NEBL: variants seen among roughly 807,000 people sequenced by gnomAD.
NEBL encodes LIM and SH3 protein 2.
A neutral mutation model predicts 140.2 loss-of-function variants in NEBL; 122 were observed. The observed-to-expected ratio is 0.87, with a 90% CI of 0.75 to 1.01. The LOEUF (loss-of-function observed/expected upper bound fraction) is 1.01. Among genes scored for constraint, NEBL ranks in the 50% least tolerant of loss-of-function variants. The probability of loss-of-function intolerance (pLI) is 0.00; values close to 1 mark genes in which losing one functional copy is unlikely to be tolerated. For synonymous variants in NEBL, 436 were observed against 398.9 expected (o/e 1.09, Z -1.11); for missense variants, 1,365 against 1,231.3 (o/e 1.11, Z -1.62).
chr10:21,274,645 C>T (rs183302460), intron 1 of NEBL, among the ~76,000 whole-genome samples: 3,274 of 152,114 alleles, frequency 0.022, 55 homozygotes, highest in Middle Eastern at 0.078. Context: ...AGCCTGGTCT[C>T]GAACCCCTGG....
intron 2 of NEBL, among the ~76,000 whole-genome samples, chr10:21,062,582 G>C (rs1835353671): frequency 6.6e-6 from 1 of 152,146 alleles, no homozygotes; most frequent in Non-Finnish European, 1.5e-5. Context: ...AGCTACACCA[G>C]ATGCTGAGAC....
At chr10:20,796,645 C>A (rs1039112686) in intron 26 of NEBL, among the ~76,000 whole-genome samples, 5 of 152,088 alleles carry the variant, frequency 3.3e-5, no homozygotes, top group Non-Finnish European at 5.9e-5. Context: ...TTTAGAATTT[C>A]TGCTATTTTA....
chr10:20,896,181 C>T (rs563442147), intron 2 of NEBL, among the ~76,000 whole-genome samples: 11 of 152,210 alleles, frequency 7.2e-5, no homozygotes, highest in African/African-American at 2.6e-4. Flanking sequence ...AGGAGTTACC[C>T]TTTCTCTGGA....
chr10:20,889,797 T>C (rs112140504), intron 3 of NEBL, 48 bp downstream of exon 3: 43 of 1,130,132 alleles, frequency 3.8e-5, no homozygotes, highest in African/African-American at 3.5e-4. Flanking sequence ...ATCTATATAA[T>C]AAGAAAAAGA....
chr10:20,864,799 A>C (rs1844099385), intron 7 of NEBL, among the ~76,000 whole-genome samples: 2 of 152,206 alleles, frequency 1.3e-5, no homozygotes, highest in Non-Finnish European at 2.9e-5. Flanking sequence ...GTTATAATTG[A>C]TATACCTGAA....
chr10:21,037,277 G>A (rs368478009), intron 2 of NEBL, among the ~76,000 whole-genome samples: 3 of 151,926 alleles, frequency 2.0e-5, no homozygotes, highest in African/African-American at 7.3e-5. Flanking sequence ...TGGAGGGGGT[G>A]GGGAGAGGGA....
At chr10:21,030,117 C>T (rs1304455840) in intron 2 of NEBL, 19 of 474,104 alleles carry the variant, frequency 4.0e-5, no homozygotes, top group Non-Finnish European at 7.7e-5. Flanking sequence ...GTTGATAGAG[C>T]TGCTAGAGAA....
intron 2 of NEBL, among the ~76,000 whole-genome samples, chr10:21,152,083 TG>T (rs1387399444): frequency 2.0e-5 from 3 of 152,074 alleles, no homozygotes; most frequent in African/African-American, 7.2e-5. Flanking sequence ...GAATAATAAA[TG>T]AAGGAGTGAG....
chr10:21,240,909 C>CACAT (rs1554834584), intron 3 of NEBL, among the ~76,000 whole-genome samples: 1 of 110,242 alleles, frequency 9.1e-6, no homozygotes, highest in African/African-American at 4.2e-5. Flanking sequence ...CGCACACATA[C>CACAT]ACACACACAC....
chr10:21,262,182 G>A (rs1169221874), intron 1 of NEBL, among the ~76,000 whole-genome samples: 1 of 152,198 alleles, frequency 6.6e-6, no homozygotes, highest in Non-Finnish European at 1.5e-5. Context: ...TCAACAAGTG[G>A]CTGTCACTAT....
In NEBL at chr10:20,819,248, T is replaced by C. The variant is rs1839036190; in HGVS notation, c.2055+176A>G. On this transcript the variant is annotated intron_variant, in intron 20 of 27. Transcript: ENST00000377122. Reference sequence around the variant, plus strand: ...CTCCCGTCCAACAGGCTCCGGTGTCTGTTATTCCCCTCTATGTGTCCATGT... The same window carrying C: ...CTCCCGTCCAACAGGCTCCGGTGTCCGTTATTCCCCTCTATGTGTCCATGT... 7 of 1,118,920 alleles carry C rather than the reference T, an allele frequency of 6.3e-6. No homozygotes were observed. The South Asian group carries it at 9.0e-5, about 14-fold the overall frequency. The allele number at this position is 1,118,920 out of a possible 1,614,324, so 69.3% of individuals were successfully genotyped here. A position where few individuals can be genotyped will look rare whatever the true frequency, so the allele number is the denominator to read the frequency against.
intron 4 of NEBL, among the ~76,000 whole-genome samples, chr10:20,933,586 T>C (rs915317922): frequency 6.6e-6 from 1 of 150,958 alleles, no homozygotes; most frequent in African/African-American, 2.4e-5. Context: ...ATACAAAAAT[T>C]AGCCGGGTGT....
chr10:20,926,606 C>G (rs571845312), intron 4 of NEBL, among the ~76,000 whole-genome samples: 9 of 152,208 alleles, frequency 5.9e-5, no homozygotes, highest in African/African-American at 2.2e-4. Context: ...GACTTATGCT[C>G]CAGGAAAGAA....
At chr10:21,174,131 T>C in exon 1 of NEBL, 2 of 671,254 alleles carry the variant, frequency 3.0e-6, no homozygotes, top group Non-Finnish European at 1.9e-6. Flanking sequence ...ACACAGTCAC[T>C]CGCGCCCGCC....
chr10:21,107,380 C>A (rs1210301892), intron 2 of NEBL, among the ~76,000 whole-genome samples: 1 of 151,992 alleles, frequency 6.6e-6, no homozygotes, highest in Admixed American at 6.6e-5. Context: ...AGCATGAAGA[C>A]CTGTTGAATT....
intron 2 of NEBL, among the ~76,000 whole-genome samples, chr10:21,031,542 C>T (rs1029290857): frequency 2.0e-5 from 3 of 152,160 alleles, no homozygotes; most frequent in Non-Finnish European, 2.9e-5. Flanking sequence ...ATCTAAGCGG[C>T]GCTGTGTTCT....
intron 3 of NEBL, among the ~76,000 whole-genome samples, chr10:20,997,277 A>G (rs532151711): frequency 4.6e-5 from 7 of 151,902 alleles, no homozygotes; most frequent in Non-Finnish European, 8.8e-5. Context: ...TGCCCTCTCA[A>G]TCTCTGACCA....
In NEBL at chr10:21,107,672, G is replaced by A. The variant is rs1013743355; in HGVS notation, c.164+64711C>T. Among the ~76,000 whole-genome samples, 6 of 152,152 alleles carry A rather than the reference G, an allele frequency of 3.9e-5. No homozygotes were observed. In the South Asian group the frequency reaches 6.2e-4, roughly 16 times the overall value. Reference sequence around the variant, plus strand: ...TTCCAGGCTTTGGTATCAGGATGACGCTAGCCTCATAAAATGAGTTAGGGA... The same window carrying A: ...TTCCAGGCTTTGGTATCAGGATGACACTAGCCTCATAAAATGAGTTAGGGA... On this transcript the variant is annotated intron_variant, in intron 2 of 6. Coordinates refer to the NEBL transcript ENST00000417816.
chr10:21,068,885 ATTG>A (rs1037225205), intron 2 of NEBL, among the ~76,000 whole-genome samples: 6 of 151,942 alleles, frequency 3.9e-5, no homozygotes, highest in Non-Finnish European at 7.4e-5. Context: ...GTTTGTTGTT[ATTG>A]TTGTTGTTGT....
Sources: allele counts gnomAD v4.1 joint callset (sites outside exome capture counted in the v4.1 genomes callset), GRCh38; gene constraint gnomAD v4.1.1; transcripts MANE v1.5; gene names NCBI Gene and HGNC (gene_info 2026-07-23, HGNC 2026-07-21).